The following RASGRF2 variants were observed in gnomAD, a reference collection of about 807,000 sequenced individuals.
RASGRF2 encodes ras-specific guanine nucleotide-releasing factor 2.
RASGRF2 carries 76 observed loss-of-function variants against 151.0 expected under a neutral mutation model. The observed-to-expected ratio is 0.50, with a 90% CI of 0.42 to 0.61. RASGRF2 has a LOEUF of 0.61. Ranked by LOEUF, RASGRF2 falls within the 20% of genes least tolerant of loss-of-function variation. The pLI is 0.00. For synonymous variants in RASGRF2, 504 were observed against 566.5 expected (o/e 0.89, Z 1.57); for missense variants, 1,148 against 1,564.6 (o/e 0.73, Z 4.49).
At chr5:81,114,946 G>T (rs1753111410) in intron 15 of RASGRF2, 1 of 152,226 alleles carries the variant, frequency 6.6e-6, no homozygotes, top group Non-Finnish European at 1.5e-5. Context: ...GCTTGGTACG[G>T]TGTAGGGTTG....
chr5:81,161,596 C>T (rs550341417), intron 17 of RASGRF2, among the ~76,000 whole-genome samples: 2 of 152,328 alleles, frequency 1.3e-5, no homozygotes, highest in African/African-American at 4.8e-5. Context: ...ATGTATCCCT[C>T]AGGAGAACAT....
intron 15 of RASGRF2, among the ~76,000 whole-genome samples, chr5:81,116,374 T>C (rs368979117): frequency 6.6e-6 from 1 of 152,096 alleles, no homozygotes; most frequent in African/African-American, 2.4e-5. Context: ...TGAGCCACCA[T>C]ACCCAGCCAG....
intron 12 of RASGRF2, among the ~76,000 whole-genome samples, chr5:81,108,375 T>A (rs968013400): frequency 6.6e-6 from 1 of 152,178 alleles, no homozygotes; most frequent in African/African-American, 2.4e-5. Context: ...AAAAAGATGA[T>A]ACAAGGCTTT....
intron 17 of RASGRF2, among the ~76,000 whole-genome samples, chr5:81,175,252 T>A (rs79461103): frequency 0.024 from 3,731 of 152,322 alleles, 141 homozygotes; most frequent in African/African-American, 0.081. Context: ...ATGTGATGAA[T>A]GGCAATTGTT....
chr5:80,966,107 GTA>G (rs1554081373), intron 1 of RASGRF2, among the ~76,000 whole-genome samples: 5 of 150,014 alleles, frequency 3.3e-5, no homozygotes, highest in East Asian at 1.9e-4. Flanking sequence ...GTGTGTGTGT[GTA>G]TGTGTGTGTG....
At chr5:80,972,122 T>A (rs1022328836) in intron 1 of RASGRF2, among the ~76,000 whole-genome samples, 14 of 152,276 alleles carry the variant, frequency 9.2e-5, no homozygotes, top group African/African-American at 2.9e-4. Context: ...TTGGAGCTGT[T>A]ATAAATAATC....
intron 1 of RASGRF2, among the ~76,000 whole-genome samples, chr5:80,994,112 A>G (rs564543): frequency 0.26 from 39,977 of 151,954 alleles, 5,416 homozygotes; most frequent in South Asian, 0.43. Context: ...ACACTTTAAG[A>G]AGGGGTAGTC....
intron 1 of RASGRF2, among the ~76,000 whole-genome samples, chr5:81,024,414 C>T (rs530435670): frequency 1.3e-4 from 20 of 151,650 alleles, no homozygotes; most frequent in African/African-American, 4.6e-4. Context: ...CACCCACCAC[C>T]ACGCCAGGCT....
At chr5:81,041,713 G>T (rs948543740) in intron 1 of RASGRF2, among the ~76,000 whole-genome samples, 1 of 152,084 alleles carries the variant, frequency 6.6e-6, no homozygotes, top group Non-Finnish European at 1.5e-5. Context: ...TTTTATCTTC[G>T]TATTTATAGT....
chr5:81,162,956 C>A (rs1033662135), intron 17 of RASGRF2, among the ~76,000 whole-genome samples: 1 of 151,906 alleles, frequency 6.6e-6, no homozygotes, highest in Non-Finnish European at 1.5e-5. Context: ...ACACCGTGTG[C>A]AATTGGCCCA....
intron 19 of RASGRF2, among the ~76,000 whole-genome samples, chr5:81,205,183 C>T (rs16878528): frequency 0.024 from 3,599 of 152,190 alleles, 135 homozygotes; most frequent in East Asian, 0.19. Context: ...GGCTAAGTGC[C>T]GATAAGAGGG....
intron 17 of RASGRF2, among the ~76,000 whole-genome samples, chr5:81,134,570 G>A (rs572376808): frequency 6.6e-6 from 1 of 152,316 alleles, no homozygotes; most frequent in African/African-American, 2.4e-5. Context: ...CAGCATTTCT[G>A]AGGATGGGGC....
chr5:81,138,815 G>A (rs1753816885), intron 17 of RASGRF2, among the ~76,000 whole-genome samples: 1 of 151,632 alleles, frequency 6.6e-6, no homozygotes, highest in South Asian at 2.1e-4. Flanking sequence ...TGAAACCTCA[G>A]TTTTCTGGTG....
chr5:81,141,602 G>A (rs1753887027), intron 17 of RASGRF2, among the ~76,000 whole-genome samples: 1 of 152,208 alleles, frequency 6.6e-6, no homozygotes, highest in African/African-American at 2.4e-5. Flanking sequence ...AAGAGCTTGG[G>A]AAGCTTGAAT....
In RASGRF2 at chr5:81,109,087, G is replaced by A. The variant is rs373993810; in HGVS notation, c.1838+9G>A. ...GTGCCACATATGATTAAGTAAGTGT[G>A]AGAATCCTTTCCTTTACATTTTAAT... On this transcript the variant is annotated intron_variant, in intron 13 of 26. Transcript: ENST00000265080. 1 of 1,605,080 alleles carries A rather than the reference G, an allele frequency of 6.2e-7. No homozygotes were observed. Among genetic ancestry groups the A allele is most frequent in the East Asian group, 2.2e-5 (1 of 44,614 alleles).
intron 1 of RASGRF2, among the ~76,000 whole-genome samples, chr5:80,992,384 A>G (rs1050133124): frequency 1.6e-4 from 25 of 152,270 alleles, no homozygotes; most frequent in African/African-American, 5.8e-4. Context: ...CCTGTAGGGA[A>G]TTGACTTTTT....
intron 1 of RASGRF2, among the ~76,000 whole-genome samples, chr5:80,981,766 A>G (rs550693839): frequency 6.6e-6 from 1 of 152,238 alleles, no homozygotes; most frequent in South Asian, 2.1e-4. Flanking sequence ...GGATTTCGCC[A>G]TGTTGGCCAG....
In RASGRF2 at chr5:81,008,257, TCTC is replaced by T. The variant is rs578066494; in HGVS notation, c.289-34617_289-34615del. Among the ~76,000 whole-genome samples the T allele has an allele frequency of 5.8e-3, 861 of 147,866 alleles. 4 individuals are homozygous for T. The highest frequency in any genetic ancestry group is 0.021 in the African/African-American group (841 of 40,236). On this transcript the variant is annotated intron_variant, in intron 1 of 26. Coordinates refer to ENST00000265080, the MANE Select transcript of RASGRF2 (RefSeq NM_006909.3). ...CCTCCTCCTCCCGGGTTCAAGCAAT[TCTC>T]CTGCCTCAGCCTCCCCAGTAGCTGG...
intron 17 of RASGRF2, among the ~76,000 whole-genome samples, chr5:81,133,221 T>G (rs1753668663): frequency 6.6e-6 from 1 of 152,176 alleles, no homozygotes; most frequent in East Asian, 1.9e-4. Flanking sequence ...TAGTGGTGAG[T>G]AGAGCAGCAT....
Sources: allele counts gnomAD v4.1 joint callset (sites outside exome capture counted in the v4.1 genomes callset), GRCh38; gene constraint gnomAD v4.1.1; transcripts MANE v1.5; gene names NCBI Gene and HGNC (gene_info 2026-07-23, HGNC 2026-07-21).